Variants in LSG1 observed in about 807,000 individuals in gnomAD.
The protein encoded by LSG1 is large 60S subunit nuclear export GTPase 1, also known as large subunit GTPase 1 homolog.
A neutral mutation model predicts 82.6 loss-of-function variants in LSG1; 55 were observed. The ratio of observed to expected loss-of-function variants is 0.67; its 90% CI spans 0.54 to 0.83. The LOEUF is 0.83. Ranked by LOEUF, LSG1 falls within the 40% of genes least tolerant of loss-of-function variation. LSG1 has a pLI of 0.00. For synonymous variants in LSG1, 272 were observed against 282.5 expected, an observed-to-expected ratio of 0.96 and a Z score of 0.37; for missense variants, 809 against 807.9, an observed-to-expected ratio of 1.00 and a Z score of -0.02.
At position 194,672,049 on chromosome 3, in the gene LSG1, C is replaced by T; in HGVS notation, c.99+15G>A. On this transcript the variant is annotated intron_variant, in intron 1 of 13. Coordinates refer to ENST00000265245, the MANE Select transcript of LSG1 (RefSeq NM_018385.3). Reference sequence around the variant, plus strand: ...TAGACAGAAAAGATAAGAAAGATGACATGGTCTGTCTTACCCAGGAGTCAG... The same window carrying T: ...TAGACAGAAAAGATAAGAAAGATGATATGGTCTGTCTTACCCAGGAGTCAG... 1 of 1,607,468 alleles carries T rather than the reference C, an allele frequency of 6.2e-7. No homozygotes were observed. The highest frequency in any genetic ancestry group is 1.3e-5 in the African/African-American group (1 of 74,932).
chr3:194,648,634 G>T, intron 11 of LSG1, 47 bp downstream of exon 11: 1 of 1,586,434 alleles, frequency 6.3e-7, no homozygotes, highest in South Asian at 1.1e-5. Context: ...CTATTCATTA[G>T]GTATACTGTT....
chr3:194,658,816 G>T, intron 7 of LSG1, 141 bp downstream of exon 7: 1 of 817,286 alleles, frequency 1.2e-6, no homozygotes, highest in Non-Finnish European at 2.0e-6. Context: ...CTTTCTATAG[G>T]TCATCCTAAT....
chr3:194,667,347 A>C (rs1719051014), intron 2 of LSG1, among the ~76,000 whole-genome samples: 1 of 152,096 alleles, frequency 6.6e-6, no homozygotes, highest in African/African-American at 2.4e-5. Context: ...CACCGCACCC[A>C]GCCTGCAACT....
intron 7 of LSG1, among the ~76,000 whole-genome samples, chr3:194,655,669 T>G (rs1315032141): frequency 6.6e-6 from 1 of 152,324 alleles, no homozygotes; most frequent in East Asian, 1.9e-4. Flanking sequence ...TATATCTATA[T>G]TCACATAAAA....
chr3:194,653,117 T>C lies in LSG1; in HGVS notation c.785A>G (p.Gln262Arg), dbSNP rs1260236741. 4.3e-6 allele frequency: 7 copies of C among 1,614,132 alleles called. No homozygotes were observed. The highest frequency in any genetic ancestry group is 1.1e-5 in the South Asian group (1 of 91,074). ...SEEEANRDDR[Q>R]SNTTKFGHSS... ...ATGTCCAAACTTGGTTGTGTTGCTT[T>C]GTCTATCATCTCTGTTTGCCTCTTC... is the stretch of plus-strand genomic sequence containing the variant. The change falls in exon 8 of 14, where the codon CAA (glutamine) becomes CGA (arginine). Residue 262 changes from glutamine (Q) to arginine (R), a missense_variant. Coordinates refer to ENST00000265245, the MANE Select transcript of LSG1 (RefSeq NM_018385.3).
At chr3:194,660,232 A>T in intron 5 of LSG1, 99 bp from the exon 6 acceptor site, 1 of 885,252 alleles carries the variant, frequency 1.1e-6, no homozygotes, top group Non-Finnish European at 1.9e-6. Context: ...GCAATATATT[A>T]AGCACTGGAC....
intron 2 of LSG1, 94 bp from the exon 3 acceptor site, chr3:194,666,666 G>A (rs1719037115): frequency 9.8e-7 from 1 of 1,023,162 alleles, no homozygotes; most frequent in African/African-American, 1.6e-5. Context: ...AAAAATGAGA[G>A]CCTAAGAGAA....
At chr3:194,670,662 A>G (rs1055777263) in intron 1 of LSG1, among the ~76,000 whole-genome samples, 1 of 152,216 alleles carries the variant, frequency 6.6e-6, no homozygotes, top group African/African-American at 2.4e-5. Flanking sequence ...ATATTTCTCT[A>G]TCTTGCTGGG....
In LSG1 at chr3:194,669,888, G is replaced by C. The variant is rs1773230; in HGVS notation, c.226+121C>G. On this transcript the variant is annotated intron_variant, in intron 2 of 13. Transcript: ENST00000265245. The stretch of plus-strand genomic sequence containing the variant: ...CGGAGCTGCAGTGAGCTGATATCAC[G>C]CCACTGCACTTCAGCCTGGGTGACA... 0.68 allele frequency: 770,105 copies of C among 1,139,320 alleles called. 263,314 individuals carry two copies. The highest frequency in any genetic ancestry group is 0.86 in the East Asian group (34,619 of 40,338). 70.6% of individuals were successfully genotyped at this position (1,139,320 alleles called of 1,614,324 possible).
chr3:194,644,694 T>C lies in LSG1; in HGVS notation c.1676A>G (p.Gln559Arg), dbSNP rs140007217. The C allele has an allele frequency of 1.9e-6, 3 of 1,610,384 alleles. No individual in the cohort carries two copies. Among genetic ancestry groups the C allele is most frequent in the Non-Finnish European group, 1.7e-6 (2 of 1,177,958 alleles). ...CTCTAGGAGTCGCTGGTGTTGATGCTGAAAAGTTACAGGATCTCTTCCAGG... is the reference window on the plus strand; with the variant it reads ...CTCTAGGAGTCGCTGGTGTTGATGCCGAAAAGTTACAGGATCTCTTCCAGG... ...PPPGRDPVTF[Q>R]HQHQRLLENK... Residue 559 changes from glutamine (Q) to arginine (R), a missense_variant, in exon 13 of 14, where the codon CAG (glutamine) becomes CGG (arginine). Physicochemically the swap from Gln to Arg is conservative, Grantham distance 43. Transcript: ENST00000265245.
intron 7 of LSG1, 70 bp downstream of exon 7, chr3:194,658,887 A>C: frequency 2.1e-6 from 3 of 1,421,534 alleles, no homozygotes; most frequent in Non-Finnish European, 2.9e-6. Context: ...AACAAAACAC[A>C]AACGAAGCAC....
At chr3:194,657,254 T>TGGA (rs1214542475) in intron 7 of LSG1, among the ~76,000 whole-genome samples, 1 of 151,380 alleles carries the variant, frequency 6.6e-6, no homozygotes, top group Non-Finnish European at 1.5e-5. Context: ...GCTGTATCCT[T>TGGA]GGACCTAGCC....
intron 5 of LSG1, among the ~76,000 whole-genome samples, chr3:194,662,378 C>T (rs982536491): frequency 3.3e-5 from 5 of 152,246 alleles, no homozygotes; most frequent in Non-Finnish European, 7.3e-5. Flanking sequence ...CAGCATAAGC[C>T]TATGAAGATA....
chr3:194,652,836 G>C lies in LSG1; in HGVS notation c.1066C>G (p.Gln356Glu). Residue 356 changes from glutamine to glutamate, a missense_variant, in exon 8 of 14, where the codon CAG (glutamine) becomes GAG (glutamate). Physicochemically the swap from Gln to Glu is conservative, Grantham distance 29. Transcript: ENST00000265245. ...ACCAGATGGCTAAAATTGTGTATCT[G>C]CCTCTTCTGTGGGGTTTTCCTGCTC... ...ARSRKTPQKR[Q>E]IHNFSHLVSK... 5 of 1,614,116 alleles carry C rather than the reference G, an allele frequency of 3.1e-6. No individual in the cohort carries two copies. Among genetic ancestry groups the C allele is most frequent in the Non-Finnish European group, 4.2e-6 (5 of 1,180,026 alleles).
chr3:194,662,078 G>C (rs573771783), intron 5 of LSG1, among the ~76,000 whole-genome samples: 1 of 152,316 alleles, frequency 6.6e-6, no homozygotes, highest in Non-Finnish European at 1.5e-5. Context: ...AAGCAAACCT[G>C]TTCATGCCCC....
Position 194,666,552 on chromosome 3 carries a change from C to A in LSG1, c.247G>T (p.Val83Leu), listed in dbSNP as rs1240588946. ...AGTCCAGTTCTAGCCTCAGCAGGCA[C>A]AAACTTAATATTAAGTTTCTCTGTT... ...FVAEKLNIKFVPAEARTGLLS... is the reference protein window; with the variant it reads ...FVAEKLNIKFLPAEARTGLLS... The change falls in exon 3 of 14, where the codon GTG becomes TTG. Residue 83 changes from valine (V) to leucine (L), a missense_variant. Coordinates refer to ENST00000265245, the MANE Select transcript of LSG1 (RefSeq NM_018385.3). 1 of 1,611,926 alleles carries A rather than the reference C, an allele frequency of 6.2e-7. No homozygotes were observed. The highest frequency in any genetic ancestry group is 8.5e-7 in the Non-Finnish European group (1 of 1,178,724).
chr3:194,644,847 T>A, intron 12 of LSG1, 101 bp from the exon 13 acceptor site: 1 of 951,810 alleles, frequency 1.1e-6, no homozygotes, highest in Non-Finnish European at 1.5e-6. Context: ...GCTTTCTGCC[T>A]TCTGGTTAAG....
At chr3:194,650,440 G>A (rs61196789) in intron 10 of LSG1, among the ~76,000 whole-genome samples, 6,854 of 152,264 alleles carry the variant, frequency 0.045, 512 homozygotes, top group African/African-American at 0.16. Context: ...TGCCTTAAGC[G>A]TTGCTTTTTG....
chr3:194,655,980 C>T (rs185195241), intron 7 of LSG1, among the ~76,000 whole-genome samples: 1 of 152,280 alleles, frequency 6.6e-6, no homozygotes. Context: ...CCCTCCCTTA[C>T]ACCTTACACA....
Sources: allele counts gnomAD v4.1 joint callset (sites outside exome capture counted in the v4.1 genomes callset), GRCh38; gene constraint gnomAD v4.1.1; transcripts MANE v1.5; gene names NCBI Gene and HGNC (gene_info 2026-07-23, HGNC 2026-07-21).